Variants in NALCN observed in about 807,000 individuals in gnomAD.
NALCN encodes sodium leak channel NALCN.
Under a neutral mutation model 225.3 loss-of-function variants are expected in NALCN, and 111 were observed. That is an observed-to-expected ratio of 0.49 (90% CI 0.42 to 0.58). The LOEUF (loss-of-function observed/expected upper bound fraction) is 0.58. Among genes scored for constraint, NALCN ranks in the 20% least tolerant of loss-of-function variants. The pLI is 0.00. For missense variants in NALCN, 1,378 were observed against 2,202.4 expected (o/e 0.63, Z 7.49); for synonymous variants, 764 against 769.0 (o/e 0.99, Z 0.11).
chr13:101,384,436 G>C (rs1440099595), intron 3 of NALCN, among the ~76,000 whole-genome samples: 1 of 151,940 alleles, frequency 6.6e-6, no homozygotes, highest in Non-Finnish European at 1.5e-5. Flanking sequence ...TATCATGCAA[G>C]TATTTAACAA....
intron 14 of NALCN, among the ~76,000 whole-genome samples, chr13:101,191,069 G>A (rs2039659945): frequency 1.3e-5 from 2 of 152,270 alleles, no homozygotes; most frequent in African/African-American, 4.8e-5. Context: ...AATATTGTAA[G>A]ATATTTTGTA....
At chr13:101,336,811 A>G (rs2045392666) in intron 7 of NALCN, among the ~76,000 whole-genome samples, 1 of 152,224 alleles carries the variant, frequency 6.6e-6, no homozygotes, top group Non-Finnish European at 1.5e-5. Context: ...TATCTCAAAG[A>G]AAGTAAATTC....
chr13:101,350,517 C>T (rs760215870), intron 6 of NALCN, among the ~76,000 whole-genome samples: 1 of 152,194 alleles, frequency 6.6e-6, no homozygotes, highest in Non-Finnish European at 1.5e-5. Context: ...GAGACAAAGG[C>T]AATTCATGTT....
intron 13 of NALCN, among the ~76,000 whole-genome samples, chr13:101,208,915 C>A (rs1202412044): frequency 6.6e-6 from 1 of 152,206 alleles, no homozygotes; most frequent in Non-Finnish European, 1.5e-5. Flanking sequence ...GCCAATTAAA[C>A]CTCTTTGCTT....
At chr13:101,191,775 G>T (rs1049133911) in intron 14 of NALCN, 142 bp downstream of exon 14, 14 of 724,604 alleles carry the variant, frequency 1.9e-5, no homozygotes, top group Non-Finnish European at 3.0e-5. Context: ...ACTTAGAATG[G>T]AAGGAGGGAT....
At chr13:101,216,374 A>G (rs936519526) in intron 13 of NALCN, among the ~76,000 whole-genome samples, 1 of 152,150 alleles carries the variant, frequency 6.6e-6, no homozygotes, top group African/African-American at 2.4e-5. Context: ...TTATTAACAA[A>G]ACACACATCA....
intron 2 of NALCN, among the ~76,000 whole-genome samples, chr13:101,396,143 T>C (rs1439887103): frequency 2.0e-5 from 3 of 152,150 alleles, no homozygotes; most frequent in Admixed American, 2.0e-4. Context: ...TGTCTGAAGA[T>C]TTTCTTTAAC....
chr13:101,199,718 C>A (rs2040038687), intron 13 of NALCN, among the ~76,000 whole-genome samples: 1 of 151,646 alleles, frequency 6.6e-6, no homozygotes, highest in African/African-American at 2.4e-5. Context: ...TTAATGGGTG[C>A]AGCACACTAA....
intron 3 of NALCN, among the ~76,000 whole-genome samples, chr13:101,387,803 G>A (rs1039566839): frequency 2.0e-5 from 3 of 152,064 alleles, no homozygotes; most frequent in Admixed American, 6.5e-5. Flanking sequence ...TTATTATGAT[G>A]TAACTTAAAC....
intron 1 of NALCN, among the ~76,000 whole-genome samples, chr13:101,407,572 G>GA (rs775721671): frequency 4.7e-4 from 72 of 152,282 alleles, no homozygotes; most frequent in Non-Finnish European, 8.7e-4. Context: ...ATTATTGAAA[G>GA]CTTACTCCAT....
intron 17 of NALCN, among the ~76,000 whole-genome samples, chr13:101,133,915 A>C (rs892490551): frequency 1.3e-5 from 2 of 152,172 alleles, no homozygotes; most frequent in Non-Finnish European, 2.9e-5. Context: ...CACGCCTGTA[A>C]TCCCAGCACT....
chr13:101,413,755 TA>T (rs1476783291), intron 1 of NALCN, among the ~76,000 whole-genome samples: 2 of 152,122 alleles, frequency 1.3e-5, no homozygotes, highest in African/African-American at 4.8e-5. Flanking sequence ...AAAAATCAAT[TA>T]AAAAAATTTA....
At chr13:101,160,128 G>A (rs747865759) in intron 15 of NALCN, among the ~76,000 whole-genome samples, 14 of 151,958 alleles carry the variant, frequency 9.2e-5, no homozygotes, top group East Asian at 3.9e-4. Flanking sequence ...CTAATTTTTT[G>A]TATTTTTAGT....
At chr13:101,213,056 G>T (rs2040588217) in intron 13 of NALCN, among the ~76,000 whole-genome samples, 1 of 152,024 alleles carries the variant, frequency 6.6e-6, no homozygotes, top group South Asian at 2.1e-4. Flanking sequence ...ATACTATAAG[G>T]CTACAGTAAC....
intron 17 of NALCN, among the ~76,000 whole-genome samples, chr13:101,126,512 T>C (rs185306802): frequency 6.8e-6 from 1 of 148,140 alleles, no homozygotes. Flanking sequence ...TTTTTTTTTT[T>C]AAGATAGTCT....
chr13:101,188,119 T>G (rs59088048), intron 14 of NALCN, among the ~76,000 whole-genome samples: 20,527 of 151,954 alleles, frequency 0.14, 2,070 homozygotes, highest in African/African-American at 0.28. Context: ...AAAGTACAAC[T>G]TTGGAAAACA....
At chr13:101,096,871 A>G (rs1172174494) in intron 27 of NALCN, among the ~76,000 whole-genome samples, 1 of 152,156 alleles carries the variant, frequency 6.6e-6, no homozygotes, top group African/African-American at 2.4e-5. Context: ...TTCTGGGTTC[A>G]AGGTGTAGAT....
intron 13 of NALCN, among the ~76,000 whole-genome samples, chr13:101,206,960 TAAAC>T (rs1017741416): frequency 6.6e-6 from 1 of 152,124 alleles, no homozygotes; most frequent in African/African-American, 2.4e-5. Context: ...AATTGCATGA[TAAAC>T]CACTATATTT....
chr13:101,143,070 C>A lies in NALCN; in HGVS notation c.2118+10G>T. On this transcript the variant is annotated intron_variant, in intron 17 of 43. Transcript: ENST00000251127. ...TTAGAAGCCTGGTTATTCGAAACAG[C>A]AGATCTTACTTTTTGGTCGATGTAT... 1 of 1,614,028 alleles carries A rather than the reference C, an allele frequency of 6.2e-7. No individual in the cohort carries two copies.
Sources: allele counts gnomAD v4.1 joint callset (sites outside exome capture counted in the v4.1 genomes callset), GRCh38; gene constraint gnomAD v4.1.1; transcripts MANE v1.5; gene names NCBI Gene and HGNC (gene_info 2026-07-23, HGNC 2026-07-21).